The following MAN1B1 variants were observed in gnomAD, a reference collection of about 807,000 sequenced individuals.
The protein encoded by MAN1B1 is mannosidase alpha class 1B member 1.
Under a neutral mutation model 75.5 loss-of-function variants are expected in MAN1B1, and 66 were observed. The ratio of observed to expected loss-of-function variants is 0.87; its 90% CI spans 0.72 to 1.07. The LOEUF (loss-of-function observed/expected upper bound fraction) is 1.07. Among genes scored for constraint, MAN1B1 ranks in the 50% least tolerant of loss-of-function variants. The pLI is 0.00. For synonymous variants in MAN1B1, 453 were observed against 382.8 expected (o/e 1.18, Z -2.14); for missense variants, 973 against 912.5 (o/e 1.07, Z -0.85).
Position 137,107,360 on chromosome 9 carries a change from G to T in MAN1B1, c.1677G>T (p.Met559Ile), listed in dbSNP as rs1204972952. 2 of 1,613,398 alleles carry T rather than the reference G, an allele frequency of 1.2e-6. No individual in the cohort carries two copies. Among genetic ancestry groups the T allele is most frequent in the East Asian group, 4.5e-5 (2 of 44,870 alleles). Residue 559 changes from methionine (M) to isoleucine (I), a missense_variant, in exon 11 of 13, where the codon ATG (methionine) becomes ATT (isoleucine). Met to Ile is a conservative substitution (Grantham distance 10). Transcript: ENST00000371589. ...AQELMETCYQ[M>I]NRQMETGLSP... ...AGCTCATGGAGACTTGTTACCAGATGAACCGGCAGATGGAGACGGGGCTGA... is the reference window on the plus strand; with the variant it reads ...AGCTCATGGAGACTTGTTACCAGATTAACCGGCAGATGGAGACGGGGCTGA...
rs1207589187 is a variant in MAN1B1 at position 137,096,255 on chromosome 9, C to T, written c.484C>T (p.Gln162Ter). 12 of 1,614,056 alleles carry T rather than the reference C, an allele frequency of 7.4e-6. No homozygotes were observed. Among genetic ancestry groups the T allele is most frequent in the Non-Finnish European group, 1.0e-5 (12 of 1,180,050 alleles). ...ISSQKTQRHI[Q>*]RGPPHLQIRP... ...TCTACAGAAGACACAAAGACACATC[C>T]AGCGGGGACCACCTCACCTGCAGAT... Residue 162 changes from glutamine to a stop codon, truncating the protein, a stop_gained, in exon 4 of 13, where the codon CAG becomes TAG. Transcript: ENST00000371589. LOFTEE classifies it high-confidence loss of function.
Position 137,097,942 on chromosome 9 carries a change from G to A in MAN1B1, c.730+5G>A, listed in dbSNP as rs1396266266. ...CCAGGACACAGGGCACACCAGGTGA[G>A]GCCACACCTGCACCCCTTCCTCCCC... On this transcript the variant is annotated splice_donor_5th_base_variant and intron_variant, in intron 5 of 12. Transcript: ENST00000371589. 3 of 1,548,604 alleles carry A rather than the reference G, an allele frequency of 1.9e-6. No individual in the cohort carries two copies. Among genetic ancestry groups the A allele is most frequent in the Non-Finnish European group, 2.6e-6 (3 of 1,144,488 alleles).
intron 8 of MAN1B1, chr9:137,105,920 C>A (rs769633168): frequency 4.3e-6 from 3 of 692,298 alleles, no homozygotes; most frequent in Non-Finnish European, 7.9e-6. Context: ...CATTCAGGTG[C>A]GTTGCACTGG....
intron 8 of MAN1B1, 190 bp from the exon 9 acceptor site, chr9:137,105,935 T>G (rs1467581488): frequency 1.4e-6 from 1 of 698,118 alleles, no homozygotes; most frequent in Non-Finnish European, 2.6e-6. Flanking sequence ...CACTGGTGGC[T>G]GTGTGGCTGT....
chr9:137,087,331 C>A, intron 1 of MAN1B1, 113 bp downstream of exon 1: 3 of 1,188,434 alleles, frequency 2.5e-6, no homozygotes, highest in South Asian at 2.9e-5. Context: ...AGGCGCCGCC[C>A]TCTCCACCCC....
intron 5 of MAN1B1, among the ~76,000 whole-genome samples, chr9:137,098,503 G>C (rs1830719495): frequency 1.3e-5 from 2 of 151,708 alleles, no homozygotes; most frequent in South Asian, 2.1e-4. Context: ...CTCTCATCAT[G>C]CCCCCCAGGT....
chr9:137,097,966 C>T, intron 5 of MAN1B1, 29 bp downstream of exon 5: 1 of 1,520,446 alleles, frequency 6.6e-7, no homozygotes, highest in Non-Finnish European at 8.9e-7. Context: ...CCCTTCCTCC[C>T]CGGGCGCTCA....
At chr9:137,103,297 C>T (rs1390565054) in intron 8 of MAN1B1, 8 of 425,904 alleles carry the variant, frequency 1.9e-5, no homozygotes, top group Non-Finnish European at 3.7e-5. Context: ...GTCGGTGGTA[C>T]ATTCATGCTG....
intron 3 of MAN1B1, among the ~76,000 whole-genome samples, chr9:137,093,477 A>G (rs765388637): frequency 2.6e-5 from 4 of 152,276 alleles, no homozygotes; most frequent in African/African-American, 9.6e-5. Context: ...TAAAGTCAGT[A>G]TAAATAAAAG....
intron 8 of MAN1B1, 53 bp from the exon 9 acceptor site, chr9:137,106,072 A>G (rs1369074288): frequency 6.9e-7 from 1 of 1,442,568 alleles, no homozygotes; most frequent in African/African-American, 1.4e-5. Flanking sequence ...TCTACAGCTC[A>G]CCCTGCAGCT....
At chr9:137,096,587 G>A (rs1239845121) in intron 4 of MAN1B1, among the ~76,000 whole-genome samples, 196 bp downstream of exon 4, 1 of 152,264 alleles carries the variant, frequency 6.6e-6, no homozygotes, top group South Asian at 2.1e-4. Context: ...TTAGGTCCCC[G>A]ATAATGTCCT....
Position 137,103,268 on chromosome 9 carries a change from T to G in MAN1B1, c.1254+1596T>G, listed in dbSNP as rs1337092645. 1.8e-5 allele frequency: 5 copies of G among 271,992 alleles called. No individual in the cohort carries two copies. In the African/African-American group the frequency reaches 4.0e-4, roughly 22 times the overall value. The allele number at this position is 271,992 out of a possible 1,614,324, so 16.8% of individuals were successfully genotyped here. A position where few individuals can be genotyped will look rare whatever the true frequency, so the allele number is the denominator to read the frequency against. Reference sequence around the variant, plus strand: ...GGCGTGCAGGTCGGTGTTACACACATGCTGTTGCAGGCGTGCAGGTCGGTG... The same window carrying G: ...GGCGTGCAGGTCGGTGTTACACACAGGCTGTTGCAGGCGTGCAGGTCGGTG... On this transcript the variant is annotated intron_variant, in intron 8 of 12. Coordinates refer to ENST00000371589, the MANE Select transcript of MAN1B1 (RefSeq NM_016219.5).
chr9:137,097,344 G>A (rs1265490318), intron 4 of MAN1B1, among the ~76,000 whole-genome samples: 1 of 152,164 alleles, frequency 6.6e-6, no homozygotes, highest in Non-Finnish European at 1.5e-5. Flanking sequence ...AGGAGGTTGC[G>A]CGGCAAACCC....
chr9:137,106,593 C>A, intron 9 of MAN1B1, 96 bp from the exon 10 acceptor site: 4 of 1,582,966 alleles, frequency 2.5e-6, no homozygotes, highest in Non-Finnish European at 2.6e-6. Flanking sequence ...GCCAGGCCTG[C>A]TGTACTTGTG....
intron 5 of MAN1B1, among the ~76,000 whole-genome samples, chr9:137,098,597 A>G (rs569179381): frequency 4.6e-5 from 7 of 152,292 alleles, no homozygotes; most frequent in South Asian, 2.1e-4. Context: ...TGCGGCATCA[A>G]TGAGGGCAGA....
At chr9:137,102,630 A>T in intron 8 of MAN1B1, 3 of 435,826 alleles carry the variant, frequency 6.9e-6, no homozygotes, top group South Asian at 4.7e-5. Flanking sequence ...CGGTGGTGTT[A>T]CATTCACGCT....
chr9:137,108,304 T>A, intron 12 of MAN1B1, 84 bp from the exon 13 acceptor site: 1 of 1,197,482 alleles, frequency 8.4e-7, no homozygotes, highest in South Asian at 1.2e-5. Context: ...ACATTCACCA[T>A]GGGGTGGAGA....
At chr9:137,091,161 A>G (rs1406596137) in intron 3 of MAN1B1, among the ~76,000 whole-genome samples, 1 of 152,236 alleles carries the variant, frequency 6.6e-6, no homozygotes, top group African/African-American at 2.4e-5. Context: ...CTGACTGGAA[A>G]GCCGACAGGT....
chr9:137,091,399 A>G (rs1178454631), intron 3 of MAN1B1, among the ~76,000 whole-genome samples: 3 of 151,994 alleles, frequency 2.0e-5, no homozygotes, highest in African/African-American at 7.3e-5. Flanking sequence ...GATCACTTGC[A>G]CTGCCTCTCC....
Sources: allele counts gnomAD v4.1 joint callset (sites outside exome capture counted in the v4.1 genomes callset), GRCh38; gene constraint gnomAD v4.1.1; transcripts MANE v1.5; gene names NCBI Gene and HGNC (gene_info 2026-07-23, HGNC 2026-07-21).